Variants in KCNAB1 observed in about 807,000 individuals in gnomAD.
KCNAB1 encodes voltage-gated potassium channel subunit beta-1.
Under a neutral mutation model 64.6 loss-of-function variants are expected in KCNAB1, and 35 were observed. The ratio of observed to expected loss-of-function variants is 0.54; its 90% CI spans 0.41 to 0.72. The LOEUF is 0.72. KCNAB1 is among the 30% of genes least tolerant of loss of function. The pLI is 0.00. For synonymous variants in KCNAB1, 177 were observed against 183.8 expected (o/e 0.96, Z 0.30); for missense variants, 401 against 512.9 (o/e 0.78, Z 2.11).
intron 1 of KCNAB1, among the ~76,000 whole-genome samples, chr3:156,137,764 CA>C (rs1714449824): frequency 6.6e-6 from 1 of 151,236 alleles, no homozygotes; most frequent in Non-Finnish European, 1.5e-5. Flanking sequence ...CCATGTTAGC[CA>C]GACTGGTCTC....
intron 1 of KCNAB1, among the ~76,000 whole-genome samples, chr3:156,260,907 C>G (rs7632403): frequency 0.3 from 46,074 of 151,802 alleles, 8,050 homozygotes; most frequent in African/African-American, 0.47. Context: ...ACTAATTCCT[C>G]GTACTAAAAA....
intron 13 of KCNAB1, among the ~76,000 whole-genome samples, chr3:156,533,938 C>T (rs1718875399): frequency 6.6e-6 from 1 of 152,138 alleles, no homozygotes; most frequent in Non-Finnish European, 1.5e-5. Context: ...CAGAGGAAAA[C>T]TCTTGAGTAA....
chr3:156,257,245 G>A (rs1718149605), intron 1 of KCNAB1, among the ~76,000 whole-genome samples: 1 of 152,116 alleles, frequency 6.6e-6, no homozygotes, highest in South Asian at 2.1e-4. Flanking sequence ...TTCTCCTTGT[G>A]AAAAACTTGT....
intron 1 of KCNAB1, among the ~76,000 whole-genome samples, chr3:156,418,162 G>T (rs1715219321): frequency 6.6e-6 from 1 of 152,136 alleles, no homozygotes; most frequent in Admixed American, 6.5e-5. Context: ...GAATCAAATG[G>T]AAAAATAATT....
chr3:156,480,894 T>C (rs1217806228), intron 8 of KCNAB1, among the ~76,000 whole-genome samples: 1 of 152,206 alleles, frequency 6.6e-6, no homozygotes, highest in African/African-American at 2.4e-5. Context: ...AAATATTTAT[T>C]GACTAGCTGG....
At chr3:156,190,031 G>T (rs1163005573) in intron 1 of KCNAB1, among the ~76,000 whole-genome samples, 1 of 152,148 alleles carries the variant, frequency 6.6e-6, no homozygotes, top group African/African-American at 2.4e-5. Flanking sequence ...AAGAAAATTT[G>T]TACAAGTATA....
At chr3:156,193,153 G>A (rs1268327378) in intron 1 of KCNAB1, among the ~76,000 whole-genome samples, 1 of 151,272 alleles carries the variant, frequency 6.6e-6, no homozygotes, top group East Asian at 1.9e-4. Context: ...TAGTTTATTA[G>A]TTATAACTCT....
intron 1 of KCNAB1, among the ~76,000 whole-genome samples, chr3:156,290,748 C>A (rs1377716519): frequency 6.6e-6 from 1 of 152,212 alleles, no homozygotes; most frequent in Admixed American, 6.5e-5. Flanking sequence ...GTGCATCCCC[C>A]TCCTGAGTGG....
chr3:156,342,299 A>G (rs1724173387), intron 1 of KCNAB1, among the ~76,000 whole-genome samples: 1 of 152,200 alleles, frequency 6.6e-6, no homozygotes, highest in South Asian at 2.1e-4. Context: ...TCAGTTAGAA[A>G]AGTTTATCAA....
chr3:156,310,648 C>CAA (rs1189745335), intron 1 of KCNAB1, among the ~76,000 whole-genome samples: 1 of 151,994 alleles, frequency 6.6e-6, no homozygotes, highest in Non-Finnish European at 1.5e-5. Context: ...CTAAAAAGTA[C>CAA]AAAAAATTAG....
chr3:156,119,514 C>A (rs1334078610), upstream of KCNAB1, among the ~76,000 whole-genome samples: 1 of 152,162 alleles, frequency 6.6e-6, no homozygotes, highest in Non-Finnish European at 1.5e-5. Flanking sequence ...CTTGCTATAA[C>A]TCTACAATTT....
chr3:156,188,528 A>G (rs1002629626), intron 1 of KCNAB1, among the ~76,000 whole-genome samples: 2 of 152,218 alleles, frequency 1.3e-5, no homozygotes, highest in African/African-American at 4.8e-5. Flanking sequence ...AAATGCAAAC[A>G]GTACAGAAAT....
chr3:156,390,985 G>T (rs1370256132), intron 1 of KCNAB1, among the ~76,000 whole-genome samples: 1 of 152,144 alleles, frequency 6.6e-6, no homozygotes, highest in African/African-American at 2.4e-5. Context: ...TAAAGCTGGG[G>T]AGTGTCATTA....
At chr3:156,215,482 G>A (rs1424194156) in intron 1 of KCNAB1, 2 of 152,284 alleles carry the variant, frequency 1.3e-5, no homozygotes, top group Non-Finnish European at 2.9e-5. Flanking sequence ...TAGAGGTCAG[G>A]CAGAGGTTAT....
At chr3:156,440,368 G>GC (rs1716906569) in intron 2 of KCNAB1, among the ~76,000 whole-genome samples, 1 of 152,178 alleles carries the variant, frequency 6.6e-6, no homozygotes, top group South Asian at 2.1e-4. Flanking sequence ...TCACCTCTAT[G>GC]CCAAAGCATG....
intron 1 of KCNAB1, among the ~76,000 whole-genome samples, chr3:156,262,438 A>G (rs961011773): frequency 7.9e-5 from 12 of 151,840 alleles, no homozygotes; most frequent in African/African-American, 1.2e-4. Context: ...TTCTTCATCT[A>G]TTGAGCTGAT....
At chr3:156,522,035 CACAT>C (rs1273585618) in intron 11 of KCNAB1, among the ~76,000 whole-genome samples, 5 of 77,740 alleles carry the variant, frequency 6.4e-5, no homozygotes, top group African/African-American at 1.9e-4. Context: ...TATACACACA[CACAT>C]AAATAGAACT....
chr3:156,316,389 G>A (rs1376761312), intron 1 of KCNAB1, among the ~76,000 whole-genome samples: 1 of 152,236 alleles, frequency 6.6e-6, no homozygotes, highest in Non-Finnish European at 1.5e-5. Flanking sequence ...AGCCTGGGCT[G>A]AGGGAAGATC....
chr3:156,454,972 A>C (rs1257117186), intron 3 of KCNAB1, among the ~76,000 whole-genome samples: 1 of 152,180 alleles, frequency 6.6e-6, no homozygotes, highest in Admixed American at 6.5e-5. Flanking sequence ...ACTACGATAA[A>C]GCTGTCATGA....
Sources: gnomAD v4.1 joint callset for allele counts (sites outside exome capture counted in the v4.1 genomes callset) on GRCh38, gnomAD v4.1.1 for gene constraint, MANE v1.5 for transcripts, NCBI Gene and HGNC (gene_info 2026-07-23, HGNC 2026-07-21) for gene names.